The following JAKMIP1 variants were observed in gnomAD, a reference collection of about 807,000 sequenced individuals.
JAKMIP1 encodes janus kinase and microtubule interacting protein 1.
In JAKMIP1, 33 loss-of-function variants were observed where a neutral mutation model predicts 113.0. That is an observed-to-expected ratio of 0.29 (90% CI 0.22 to 0.39). JAKMIP1 has a LOEUF of 0.39. Ranked by LOEUF, JAKMIP1 falls within the 10% of genes least tolerant of loss-of-function variation. The pLI is 1.00. For synonymous variants in JAKMIP1, 480 were observed against 459.9 expected, an observed-to-expected ratio of 1.04 and a Z score of -0.56; for missense variants, 813 against 1,080.5, an observed-to-expected ratio of 0.75 and a Z score of 3.47.
Position 6,085,495 on chromosome 4 carries a change from G to C in JAKMIP1, c.759C>G (p.Ala253=), listed in dbSNP as rs369824626. The change falls in exon 4 of 21, where the codon GCC becomes GCG. Residue 253 remains alanine, a synonymous_variant. Transcript: ENST00000409021. ...TCTTTGGACTACTGTGGTGCCGCTC[G>C]GCCTCCTTGACCTGAACCAGCTGCT... ...LDEQLVQVKE[A]ERHHSSPKRE... 6.2e-7 allele frequency: 1 copy of C among 1,614,106 alleles called. No individual in the cohort carries two copies. Among genetic ancestry groups the C allele is most frequent in the South Asian group, 1.1e-5 (1 of 91,084 alleles).
chr4:6,169,985 CCACCACCACCACCACCACCACCACCCT>C (rs1482505311), intron 1 of JAKMIP1, among the ~76,000 whole-genome samples: 8 of 74,828 alleles, frequency 1.1e-4, no homozygotes, highest in African/African-American at 5.1e-4. Flanking sequence ...ACCACTACCA[CCACCACCACCACCACCACCACCACCCT>C]CACCACCACC....
chr4:6,125,943 T>C (rs1717466889), intron 1 of JAKMIP1, among the ~76,000 whole-genome samples: 1 of 82,078 alleles, frequency 1.2e-5, no homozygotes, highest in African/African-American at 5.3e-5. Flanking sequence ...ACACACACCA[T>C]ACACACCATG....
At chr4:6,074,105 C>T (rs1719355195) in intron 8 of JAKMIP1, among the ~76,000 whole-genome samples, 1 of 152,254 alleles carries the variant, frequency 6.6e-6, no homozygotes, top group South Asian at 2.1e-4. Flanking sequence ...ATGAGATAAT[C>T]AGCACCAATC....
chr4:6,173,664 A>T (rs1046942204), intron 1 of JAKMIP1, among the ~76,000 whole-genome samples: 3 of 152,214 alleles, frequency 2.0e-5, no homozygotes, highest in Non-Finnish European at 4.4e-5. Flanking sequence ...TTTTCTATCT[A>T]TAAGGATAGA....
rs1331717768 is a variant in JAKMIP1, at chr4:6,105,800, C to T, written c.297G>A (p.Ala99=). 12 of 1,608,792 alleles carry T rather than the reference C, an allele frequency of 7.5e-6. No homozygotes were observed. The highest frequency in any genetic ancestry group is 2.2e-5 in the East Asian group (1 of 44,866). ...CCTCCTTGATCTTGGCGGTGCGCGCCGCCTCCTGCTCGTGCTGCCGGATGA... is the reference window on the plus strand; with the variant it reads ...CCTCCTTGATCTTGGCGGTGCGCGCTGCCTCCTGCTCGTGCTGCCGGATGA... ...EGLIRQHEQE[A]ARTAKIKEGE... is the part of the protein sequence containing the mutation. Residue 99 remains alanine (A), a synonymous_variant, in exon 3 of 21, where the codon GCG becomes GCA. Transcript: ENST00000409021.
intron 3 of JAKMIP1, among the ~76,000 whole-genome samples, chr4:6,100,595 G>A (rs1712840999): frequency 1.3e-5 from 2 of 152,138 alleles, no homozygotes; most frequent in Admixed American, 1.3e-4. Context: ...TAGATACTTA[G>A]GAGTAGAATT....
rs1260020174 is a variant in JAKMIP1, at chr4:6,155,737, T to C, written c.-147-42740A>G. On this transcript the variant is annotated intron_variant, in intron 1 of 20. Coordinates refer to ENST00000409021, the MANE Select transcript of JAKMIP1 (RefSeq NM_001099433.2). The surrounding 1 kb of genome is among the most constrained non-coding windows in gnomAD (Gnocchi z 6.1). ...CATGGCACATTTATAGAACGGGATATTATAGTGTCCTTTAAGCTGAAGCTC... is the reference window on the plus strand; with the variant it reads ...CATGGCACATTTATAGAACGGGATACTATAGTGTCCTTTAAGCTGAAGCTC... Among the ~76,000 whole-genome samples the C allele has an allele frequency of 6.6e-6, 1 of 152,218 alleles. No homozygotes were observed. The highest frequency in any genetic ancestry group is 1.5e-5 in the Non-Finnish European group (1 of 68,042).
At chr4:6,034,705 G>C (rs1028685883) in intron 19 of JAKMIP1, among the ~76,000 whole-genome samples, 4 of 152,182 alleles carry the variant, frequency 2.6e-5, no homozygotes, top group African/African-American at 9.6e-5. Context: ...AGGTGGCTGA[G>C]GCAAGAGAAT....
At position 6,105,869 on chromosome 4, in the gene JAKMIP1, C is replaced by T; in HGVS notation, c.228G>A (p.Leu76=). 1 of 1,612,146 alleles carries T rather than the reference C, an allele frequency of 6.2e-7. No individual in the cohort carries two copies. Among genetic ancestry groups the T allele is most frequent in the Non-Finnish European group, 8.5e-7 (1 of 1,179,870 alleles). ...GCAGCTCCTTGGTCTTCTCCTCATG[C>T]AGCTTGGCCTTGAGCTCCGAAATGT... The part of the protein sequence containing the change: ...TAYISELKAK[L]HEEKTKELQA... The change falls in exon 3 of 21, where the codon CTG becomes CTA. Residue 76 remains leucine (L), a synonymous_variant. Coordinates refer to ENST00000409021, the MANE Select transcript of JAKMIP1 (RefSeq NM_001099433.2).
intron 8 of JAKMIP1, among the ~76,000 whole-genome samples, chr4:6,070,934 A>G (rs1407191453): frequency 6.6e-6 from 1 of 152,256 alleles, no homozygotes; most frequent in African/African-American, 2.4e-5. Context: ...GTCACCAGAC[A>G]TAATATCAAA....
chr4:6,058,929 C>G (rs16838141), intron 11 of JAKMIP1, among the ~76,000 whole-genome samples: 41,078 of 152,154 alleles, frequency 0.27, 7,921 homozygotes, highest in African/African-American at 0.55. Flanking sequence ...CTTATCATCT[C>G]GCACCTGGAT....
chr4:6,141,659 C>G lies in JAKMIP1; in HGVS notation c.-147-28662G>C, dbSNP rs1720167336. On this transcript the variant is annotated intron_variant, in intron 1 of 20. Coordinates refer to ENST00000409021, the MANE Select transcript of JAKMIP1 (RefSeq NM_001099433.2). The surrounding 1 kb of genome is among the most constrained non-coding windows in gnomAD (Gnocchi z 9.4). ...AAATCCACATGATTCTCCATCTTAACTTGCCGGTAGCTGGCCCAGCCCTGG... is the reference window on the plus strand; with the variant it reads ...AAATCCACATGATTCTCCATCTTAAGTTGCCGGTAGCTGGCCCAGCCCTGG... Among the ~76,000 whole-genome samples, 1 of 152,220 alleles carries G rather than the reference C, an allele frequency of 6.6e-6. No individual in the cohort carries two copies. The highest frequency in any genetic ancestry group is 1.5e-5 in the Non-Finnish European group (1 of 68,038).
In JAKMIP1 at chr4:6,143,950, C is replaced by T. The variant is rs1720500689; in HGVS notation, c.-147-30953G>A. Among the ~76,000 whole-genome samples, 1 of 152,130 alleles carries T rather than the reference C, an allele frequency of 6.6e-6. No individual in the cohort carries two copies. Among genetic ancestry groups the T allele is most frequent in the South Asian group, 2.1e-4 (1 of 4,836 alleles). On this transcript the variant is annotated intron_variant, in intron 1 of 20. Transcript: ENST00000409021. This position sits in a 1 kb window ranked among gnomAD's most constrained non-coding sequence, Gnocchi z 4.9. ...CAGTCTCCAGGGCTGGAGCAGGGAC[C>T]ACAGCATCTGCCTCACAGGCATGCC...
At chr4:6,063,413 GA>G (rs1375040640) in intron 9 of JAKMIP1, among the ~76,000 whole-genome samples, 1 of 152,226 alleles carries the variant, frequency 6.6e-6, no homozygotes, top group Non-Finnish European at 1.5e-5. Flanking sequence ...CCATGGCTGA[GA>G]ACAAGACCCT....
chr4:6,109,934 C>T (rs1714639673), intron 2 of JAKMIP1, among the ~76,000 whole-genome samples: 2 of 152,044 alleles, frequency 1.3e-5, no homozygotes, highest in Admixed American at 1.3e-4. Context: ...CCTGAAGCGG[C>T]CACATGGATG....
Position 6,106,060 on chromosome 4 carries a change from C to T in JAKMIP1, c.130-93G>A. ...AGCTGGGGGAGCTGGCCACAGCCTC[C>T]CCACGCCCAAGACACCCACCTGGGC... is the stretch of plus-strand genomic sequence containing the variant. On this transcript the variant is annotated intron_variant, in intron 2 of 20. Coordinates refer to ENST00000409021, the MANE Select transcript of JAKMIP1 (RefSeq NM_001099433.2). This position sits in a 1 kb window ranked among gnomAD's most constrained non-coding sequence, Gnocchi z 5.9. The T allele has an allele frequency of 3.5e-6, 3 of 855,742 alleles. No homozygotes were observed. The highest frequency in any genetic ancestry group is 5.3e-6 in the Non-Finnish European group (3 of 562,898). 53.0% of individuals were successfully genotyped at this position (855,742 alleles called of 1,614,324 possible).
rs755482080 is a variant in JAKMIP1 at position 6,086,170 on chromosome 4, C to T, written c.625-541G>A. ...CCGTCACCCACTCCCAGACTCACGACCTCCTGCTCCCTCTCCCCAAGGCCA... is the reference window on the plus strand; with the variant it reads ...CCGTCACCCACTCCCAGACTCACGATCTCCTGCTCCCTCTCCCCAAGGCCA... On this transcript the variant is annotated intron_variant, in intron 3 of 20. Transcript: ENST00000409021. The surrounding 1 kb of genome is among the most constrained non-coding windows in gnomAD (Gnocchi z 4.1). Among the ~76,000 whole-genome samples, 1 of 152,128 alleles carries T rather than the reference C, an allele frequency of 6.6e-6. No homozygotes were observed. Among genetic ancestry groups the T allele is most frequent in the Non-Finnish European group, 1.5e-5 (1 of 68,016 alleles).
Position 6,105,493 on chromosome 4 carries a change from C to G in JAKMIP1, c.604G>C (p.Glu202Gln), listed in dbSNP as rs1384162757. ...CGTACCAGCCTGCGGATGTCGCGCTCGCACTCGCGCTTGATGCGGTGCACC... is the reference window on the plus strand; with the variant it reads ...CGTACCAGCCTGCGGATGTCGCGCTGGCACTCGCGCTTGATGCGGTGCACC... ...DEVHRIKREC[E>Q]RDIRRLMDEI... is the part of the protein sequence containing the mutation. The change falls in exon 3 of 21, where the codon GAG becomes CAG. Residue 202 changes from glutamate to glutamine, a missense_variant. Glu to Gln is a conservative substitution (Grantham distance 29). Around this residue, in one of 2 missense-constraint regions of JAKMIP1, gnomAD observed 540 missense variants for 653.9 expected, o/e 0.83. Coordinates refer to ENST00000409021, the MANE Select transcript of JAKMIP1 (RefSeq NM_001099433.2). 1 of 1,604,232 alleles carries G rather than the reference C, an allele frequency of 6.2e-7. No individual in the cohort carries two copies. Among genetic ancestry groups the G allele is most frequent in the African/African-American group, 1.3e-5 (1 of 74,762 alleles).
At chr4:6,163,208 C>A (rs532084049) in intron 1 of JAKMIP1, among the ~76,000 whole-genome samples, 7 of 152,332 alleles carry the variant, frequency 4.6e-5, no homozygotes, top group African/African-American at 1.7e-4. Context: ...GCAGATATTA[C>A]GTTTTTGACA....
Sources: allele counts gnomAD v4.1 joint callset (sites outside exome capture counted in the v4.1 genomes callset), GRCh38; gene constraint gnomAD v4.1.1; regional missense constraint gnomAD v4.1.1; non-coding constraint Gnocchi (gnomAD v3.1); transcripts MANE v1.5; gene names NCBI Gene and HGNC (gene_info 2026-07-23, HGNC 2026-07-21).